ERC2: variants seen among roughly 807,000 people sequenced by gnomAD.
The protein encoded by ERC2 is ERC protein 2.
In ERC2, 42 loss-of-function variants were observed where a neutral mutation model predicts 114.8. That is an observed-to-expected ratio of 0.37 (90% CI 0.29 to 0.47). The LOEUF (loss-of-function observed/expected upper bound fraction) is 0.47, where lower values mean the gene tolerates loss of function less well. ERC2 is among the 20% of genes least tolerant of loss of function. The pLI is 0.99. For synonymous variants in ERC2, 454 were observed against 425.5 expected, an observed-to-expected ratio of 1.07 and a Z score of -0.82; for missense variants, 939 against 1,150.7, an observed-to-expected ratio of 0.82 and a Z score of 2.66.
At chr3:56,237,239 G>A (rs1576006935) in intron 3 of ERC2, among the ~76,000 whole-genome samples, 1 of 150,674 alleles carries the variant, frequency 6.6e-6, no homozygotes, top group South Asian at 2.1e-4. Flanking sequence ...TCTCCATCAT[G>A]CCACCAGATG....
intron 14 of ERC2, among the ~76,000 whole-genome samples, chr3:55,769,748 A>G (rs894153786): frequency 1.3e-4 from 20 of 152,160 alleles, no homozygotes; most frequent in Admixed American, 1.2e-3. Flanking sequence ...CAAGCCACAG[A>G]GTGTCACACT....
chr3:56,252,025 T>A (rs1197670275), intron 3 of ERC2, among the ~76,000 whole-genome samples: 1 of 152,194 alleles, frequency 6.6e-6, no homozygotes, highest in Non-Finnish European at 1.5e-5. Context: ...TCAAGTTCCA[T>A]GGCAGGTGTG....
chr3:56,346,518 A>C (rs2058315100), intron 2 of ERC2, among the ~76,000 whole-genome samples: 1 of 152,254 alleles, frequency 6.6e-6, no homozygotes, highest in South Asian at 2.1e-4. Flanking sequence ...AGAACTAAAA[A>C]GAAACTAAAA....
intron 7 of ERC2, among the ~76,000 whole-genome samples, chr3:56,067,920 T>A (rs1219898544): frequency 6.6e-6 from 1 of 152,220 alleles, no homozygotes; most frequent in Non-Finnish European, 1.5e-5. Flanking sequence ...AGCTTTTTGA[T>A]GTGCTGCTGG....
At chr3:55,689,815 A>G (rs2062545471) in intron 16 of ERC2, among the ~76,000 whole-genome samples, 1 of 152,028 alleles carries the variant, frequency 6.6e-6, no homozygotes. Flanking sequence ...AAAAAGAAAA[A>G]AAAAAGAAAA....
intron 14 of ERC2, among the ~76,000 whole-genome samples, chr3:55,812,181 G>A (rs1330056595): frequency 6.6e-6 from 1 of 152,216 alleles, no homozygotes; most frequent in Non-Finnish European, 1.5e-5. Context: ...GAAATCGGAA[G>A]CTGTGCTAAA....
At chr3:55,521,342 G>A (rs1483213566) in intron 17 of ERC2, among the ~76,000 whole-genome samples, 3 of 152,158 alleles carry the variant, frequency 2.0e-5, no homozygotes, top group East Asian at 1.9e-4. Flanking sequence ...CCTCTTCACC[G>A]CCAAGATCCT....
At chr3:56,013,532 G>C (rs559030450) in intron 8 of ERC2, among the ~76,000 whole-genome samples, 66 of 152,304 alleles carry the variant, frequency 4.3e-4, no homozygotes, top group African/African-American at 1.6e-3. Flanking sequence ...TCTCAACGAA[G>C]GACCAGCTTA....
chr3:56,170,604 T>TTTGTTTTTTTTTTGTTTTTTTTTTTG, intron 4 of ERC2, among the ~76,000 whole-genome samples: 1 of 133,234 alleles, frequency 7.5e-6, no homozygotes, highest in South Asian at 2.4e-4. Flanking sequence ...TTTTTTTTTT[T>TTTGTTTTTTTTTTGTTTTTTTTTTTG]TTTTTTTTTT....
intron 17 of ERC2, among the ~76,000 whole-genome samples, chr3:55,651,038 T>TTG (rs1553740565): frequency 1.5e-4 from 18 of 117,798 alleles, no homozygotes; most frequent in Admixed American, 1.2e-3. Context: ...TTTTTTTTTT[T>TTG]GTAGTAGACA....
chr3:55,988,040 T>C (rs984165266), intron 11 of ERC2, among the ~76,000 whole-genome samples: 1 of 152,170 alleles, frequency 6.6e-6, no homozygotes. Flanking sequence ...GTGAGAAATA[T>C]AGTGGCAGCA....
chr3:56,380,394 T>A (rs1477069043), intron 2 of ERC2, among the ~76,000 whole-genome samples: 1 of 152,150 alleles, frequency 6.6e-6, no homozygotes, highest in Non-Finnish European at 1.5e-5. Context: ...ATTTGTGTGC[T>A]TTCCCACTCC....
chr3:56,040,239 G>A (rs552479019), intron 7 of ERC2, among the ~76,000 whole-genome samples: 3 of 152,168 alleles, frequency 2.0e-5, no homozygotes, highest in South Asian at 2.1e-4. Flanking sequence ...CATCACATAC[G>A]TGATTTAAGG....
chr3:56,101,859 C>T (rs1337728098), intron 6 of ERC2, among the ~76,000 whole-genome samples: 1 of 152,176 alleles, frequency 6.6e-6, no homozygotes, highest in African/African-American at 2.4e-5. Context: ...TGTGCTCAGA[C>T]CTGCTGAGCA....
chr3:56,318,803 G>C (rs1332882376), intron 2 of ERC2, among the ~76,000 whole-genome samples: 1 of 151,286 alleles, frequency 6.6e-6, no homozygotes, highest in Non-Finnish European at 1.5e-5. Context: ...AAGCTAAAGA[G>C]GGTCTGGATG....
chr3:55,955,711 C>T (rs1392178331), intron 12 of ERC2, among the ~76,000 whole-genome samples: 1 of 152,118 alleles, frequency 6.6e-6, no homozygotes, highest in Non-Finnish European at 1.5e-5. Context: ...ATTCTTATAC[C>T]AGTCTTTTTG....
intron 17 of ERC2, among the ~76,000 whole-genome samples, chr3:55,572,846 G>T (rs142853992): frequency 6.6e-6 from 1 of 152,318 alleles, no homozygotes; most frequent in East Asian, 1.9e-4. Flanking sequence ...GCCCCCAGAT[G>T]ATCCCACTAA....
At chr3:55,718,468 G>T (rs2064253911) in intron 15 of ERC2, among the ~76,000 whole-genome samples, 1 of 152,222 alleles carries the variant, frequency 6.6e-6, no homozygotes, top group African/African-American at 2.4e-5. Flanking sequence ...AGATAAAACT[G>T]TTTGGCAGCA....
rs561781215 is a variant in ERC2 at position 55,619,243 on chromosome 3, C to T, written c.*39+64551G>A. On this transcript the variant is annotated intron_variant, in intron 17 of 17. Transcript: ENST00000288221. Reference sequence around the variant, plus strand: ...TTCCTATTGGAACCTGGAAACTGGACAAATTCTGAAGAAATCCGAAGGAAT... The same window carrying T: ...TTCCTATTGGAACCTGGAAACTGGATAAATTCTGAAGAAATCCGAAGGAAT... 2.6e-5 allele frequency among the ~76,000 whole-genome samples: 4 copies of T among 152,282 alleles called. No homozygotes were observed. In the South Asian group the frequency reaches 8.3e-4, roughly 32 times the overall value.
Sources: gnomAD v4.1 joint callset for allele counts (sites outside exome capture counted in the v4.1 genomes callset) on GRCh38, gnomAD v4.1.1 for gene constraint, MANE v1.5 for transcripts, NCBI Gene and HGNC (gene_info 2026-07-23, HGNC 2026-07-21) for gene names.